CLUAP1: variants seen among roughly 807,000 people sequenced by gnomAD.
CLUAP1 encodes clusterin-associated protein 1.
CLUAP1 carries 50 observed loss-of-function variants against 55.0 expected under a neutral mutation model. The ratio of observed to expected loss-of-function variants is 0.91; its 90% CI spans 0.72 to 1.15. The LOEUF is 1.15. Ranked by LOEUF, CLUAP1 falls within the 50% of genes most tolerant of loss-of-function variation. The pLI is 0.00. For synonymous variants in CLUAP1, 195 were observed against 175.4 expected (o/e 1.11, Z -0.88); for missense variants, 530 against 507.6 (o/e 1.04, Z -0.42).
chr16:3,500,205 C>A (rs1445497883), upstream of CLUAP1, among the ~76,000 whole-genome samples: 1 of 152,148 alleles, frequency 6.6e-6, no homozygotes, highest in African/African-American at 2.4e-5. Flanking sequence ...GGCCCCTTTC[C>A]GGCCTGTTGT....
rs2037926249 is a variant in CLUAP1, at chr16:3,525,571, C to T, written c.856-841C>T. Among the ~76,000 whole-genome samples, 2 of 152,002 alleles carry T rather than the reference C, an allele frequency of 1.3e-5. 1 individual carries two copies. The highest frequency in any genetic ancestry group is 4.2e-4 in the South Asian group (2 of 4,804). The stretch of plus-strand genomic sequence containing the variant: ...CCACTCTCTCTCTTTGTCTCTTTCT[C>T]TTTCTCAACGGGGTCTCACTCTGTT... On this transcript the variant is annotated intron_variant, in intron 8 of 11. Transcript: ENST00000576634.
Position 3,525,985 on chromosome 16 carries a change from A to G in CLUAP1, c.856-427A>G, listed in dbSNP as rs151192586. Among the ~76,000 whole-genome samples the G allele has an allele frequency of 2.6e-3, 395 of 152,314 alleles. 2 individuals carry two copies. Among genetic ancestry groups the G allele is most frequent in the African/African-American group, 8.8e-3 (365 of 41,554 alleles). ...ACCATTTAGCATCTTTTGAGCTGGA[A>G]TCTGAAGGCAGGGCAGGAAAGATAA... On this transcript the variant is annotated intron_variant, in intron 8 of 11. Coordinates refer to ENST00000576634, the MANE Select transcript of CLUAP1 (RefSeq NM_015041.3).
At chr16:3,496,670 C>T, upstream of CLUAP1, 4 of 533,406 alleles carry the variant, frequency 7.5e-6, no homozygotes, top group Non-Finnish European at 1.5e-5. Flanking sequence ...CGGCAAGGCC[C>T]TGGGAACCCC....
At chr16:3,504,034 C>T (rs539264889) in intron 1 of CLUAP1, among the ~76,000 whole-genome samples, 1 of 152,138 alleles carries the variant, frequency 6.6e-6, no homozygotes. Flanking sequence ...TGTTCATTTC[C>T]AAGTCCTGCT....
Position 3,532,813 on chromosome 16 carries a change from C to T in CLUAP1, c.1064C>T (p.Thr355Met), listed in dbSNP as rs145377972. 17 of 1,614,104 alleles carry T rather than the reference C, an allele frequency of 1.1e-5. No individual in the cohort carries two copies. In the East Asian group the frequency reaches 2.0e-4, roughly 19 times the overall value. The change falls in exon 11 of 12, where the codon ACG becomes ATG. Residue 355 changes from threonine (T) to methionine (M), a missense_variant. Coordinates refer to ENST00000576634, the MANE Select transcript of CLUAP1 (RefSeq NM_015041.3). ...AGACCTGGCAAACGCATTGTGGGCA[C>T]GATGCAAGGTGGAGACTCCGATGAC... ...QGRPGKRIVG[T>M]MQGGDSDDNE...
rs377553181 is a variant in CLUAP1 at position 3,515,482 on chromosome 16, A to G, written c.496-26A>G. On this transcript the variant is annotated intron_variant, in intron 5 of 11. Transcript: ENST00000576634. ...TTGAGAACTCCTTTTCTGAAAATAT[A>G]CGTAAATGATTTTACTGTTTCCTAG... The G allele has an allele frequency of 2.9e-5, 44 of 1,516,072 alleles. No homozygotes were observed. The East Asian group carries it at 7.8e-4, about 27-fold the overall frequency. The allele number at this position is 1,516,072 out of a possible 1,614,324, so 93.9% of individuals were successfully genotyped here. A position where few individuals can be genotyped will look rare whatever the true frequency, so the allele number is the denominator to read the frequency against.
Position 3,536,226 on chromosome 16 carries a change from G to A in CLUAP1, c.1197G>A (p.Arg399=). The A allele has an allele frequency of 6.2e-7, 1 of 1,614,088 alleles. No homozygotes were observed. Among genetic ancestry groups the A allele is most frequent in the Non-Finnish European group, 8.5e-7 (1 of 1,180,028 alleles). ...TCTCACCAACCAAGCCCAATCGAAG[G>A]GTCCGGAAATCTGAACCCCTGGATG... ...ISLSPTKPNR[R]VRKSEPLDES... Residue 399 remains arginine, a synonymous_variant, in exon 12 of 12, where the codon AGG becomes AGA. Transcript: ENST00000576634.
upstream of CLUAP1, among the ~76,000 whole-genome samples, chr16:3,498,778 T>A (rs2037338057): frequency 6.6e-6 from 1 of 151,976 alleles, no homozygotes. Context: ...GAGAATGGCG[T>A]AAACCCAGGA....
At chr16:3,528,789 C>T (rs570874452) in intron 9 of CLUAP1, among the ~76,000 whole-genome samples, 1 of 152,256 alleles carries the variant, frequency 6.6e-6, no homozygotes, top group African/African-American at 2.4e-5. Flanking sequence ...GGGGGTCCAA[C>T]TTCATTCTTT....
chr16:3,536,101 T>G lies in CLUAP1; in HGVS notation c.1093-21T>G, dbSNP rs776062742. ...GAATGAGGCAGGATCCCCCGTTGCA[T>G]CTGCCATTTTTTTCCTATAGGAGGA... On this transcript the variant is annotated intron_variant, in intron 11 of 11. Transcript: ENST00000576634. The G allele has an allele frequency of 3.1e-6, 5 of 1,612,872 alleles. No individual in the cohort carries two copies. In the Admixed American group the frequency reaches 8.3e-5, roughly 27 times the overall value.
intron 9 of CLUAP1, among the ~76,000 whole-genome samples, chr16:3,529,842 ATATAATATATATTT>A (rs1388572950): frequency 4.5e-5 from 2 of 44,888 alleles, no homozygotes; most frequent in African/African-American, 1.0e-4. Flanking sequence ...ATAATATATT[ATATAATATATATTT>A]TATAATATAA....
At chr16:3,535,884 T>G in intron 11 of CLUAP1, 2 of 523,140 alleles carry the variant, frequency 3.8e-6, no homozygotes. Flanking sequence ...AGCCAGCCCC[T>G]GCAGCACCAC....
rs2037835089 is a variant in CLUAP1 at position 3,521,585 on chromosome 16, C to T, written c.713+1549C>T. 5.3e-5 allele frequency among the ~76,000 whole-genome samples: 8 copies of T among 152,030 alleles called. No homozygotes were observed. The South Asian group carries it at 1.7e-3, about 32-fold the overall frequency. On this transcript the variant is annotated intron_variant, in intron 7 of 11. Coordinates refer to ENST00000576634, the MANE Select transcript of CLUAP1 (RefSeq NM_015041.3). Reference sequence around the variant, plus strand: ...AAGTAGCTGGGATTACAGGCGGCCGCCACCACGCCCAGCTAATTTTTGTAT... The same window carrying T: ...AAGTAGCTGGGATTACAGGCGGCCGTCACCACGCCCAGCTAATTTTTGTAT...
chr16:3,504,553 A>T (rs2037466152), intron 1 of CLUAP1, among the ~76,000 whole-genome samples, 167 bp from the exon 2 acceptor site: 1 of 152,154 alleles, frequency 6.6e-6, no homozygotes, highest in African/African-American at 2.4e-5. Flanking sequence ...CATTTTTGGT[A>T]TTTTAAATTT....
At chr16:3,528,341 T>C (rs2037988796) in intron 9 of CLUAP1, among the ~76,000 whole-genome samples, 1 of 152,180 alleles carries the variant, frequency 6.6e-6, no homozygotes, top group Admixed American at 6.5e-5. Context: ...TTCTCTTTCT[T>C]TGCCATTTCC....
intron 5 of CLUAP1, among the ~76,000 whole-genome samples, chr16:3,514,743 T>C (rs1051220317): frequency 1.3e-5 from 2 of 152,160 alleles, no homozygotes; most frequent in African/African-American, 4.8e-5. Flanking sequence ...GGGTGAGGGA[T>C]CTCCCCAGGG....
intron 6 of CLUAP1, among the ~76,000 whole-genome samples, chr16:3,518,635 C>T (rs151281547): frequency 4.1e-4 from 62 of 152,328 alleles, no homozygotes; most frequent in South Asian, 6.2e-4. Flanking sequence ...AAAGGAGACC[C>T]ACCTTTCTTC....
chr16:3,526,602 G>GTTT, intron 9 of CLUAP1, 118 bp downstream of exon 9: 2 of 368,680 alleles, frequency 5.4e-6, no homozygotes, highest in Admixed American at 5.5e-5. Flanking sequence ...TTTTTCAGCA[G>GTTT]TTTTTTTTTT....
intron 9 of CLUAP1, among the ~76,000 whole-genome samples, chr16:3,530,266 G>A (rs1470772431): frequency 4.6e-5 from 7 of 151,926 alleles, no homozygotes; most frequent in Non-Finnish European, 8.8e-5. Context: ...CAGGCTTTTC[G>A]GAGACACATT....
Sources: gnomAD v4.1 joint callset for allele counts (sites outside exome capture counted in the v4.1 genomes callset) on GRCh38, gnomAD v4.1.1 for gene constraint, MANE v1.5 for transcripts, NCBI Gene and HGNC (gene_info 2026-07-23, HGNC 2026-07-21) for gene names.